Variants in EDARADD observed in about 807,000 individuals in gnomAD.
The protein encoded by EDARADD is EDAR associated via death domain.
In EDARADD, 20 loss-of-function variants were observed where a neutral mutation model predicts 25.6. The ratio of observed to expected loss-of-function variants is 0.78; its 90% CI spans 0.55 to 1.14. The LOEUF (loss-of-function observed/expected upper bound fraction) is 1.14. Among genes scored for constraint, EDARADD ranks in the 50% most tolerant of loss-of-function variants. EDARADD has a pLI of 0.00. For synonymous variants in EDARADD, 86 were observed against 94.4 expected, an observed-to-expected ratio of 0.91 and a Z score of 0.52; for missense variants, 225 against 270.1, an observed-to-expected ratio of 0.83 and a Z score of 1.17.
chr1:236,437,492 G>A (rs1402036842), intron 4 of EDARADD, among the ~76,000 whole-genome samples: 1 of 152,032 alleles, frequency 6.6e-6, no homozygotes, highest in Admixed American at 6.6e-5. Flanking sequence ...GGGTTAGATA[G>A]GAAGAAAGAC....
intron 5 of EDARADD, among the ~76,000 whole-genome samples, chr1:236,469,189 A>G (rs531621440): frequency 2.0e-5 from 3 of 152,208 alleles, no homozygotes; most frequent in East Asian, 3.9e-4. Context: ...TAAGCTAGCA[A>G]ATGGCCAGGT....
chr1:236,380,186 C>T (rs967840583), intron 3 of EDARADD, among the ~76,000 whole-genome samples: 5 of 152,074 alleles, frequency 3.3e-5, no homozygotes, highest in South Asian at 2.1e-4. Flanking sequence ...AGACTATTTG[C>T]GTCTTGAAAA....
chr1:236,433,278 T>C (rs1658155489), intron 4 of EDARADD, among the ~76,000 whole-genome samples: 1 of 149,286 alleles, frequency 6.7e-6, no homozygotes, highest in African/African-American at 2.5e-5. Flanking sequence ...CAAATAACCC[T>C]GGGCGCGGTG....
chr1:236,374,543 C>T (rs1377047436), intron 3 of EDARADD, among the ~76,000 whole-genome samples: 1 of 152,092 alleles, frequency 6.6e-6, no homozygotes, highest in East Asian at 1.9e-4. Context: ...TTTAGTTCTC[C>T]TTGCACTTCT....
At chr1:236,439,505 C>T (rs1658346874) in intron 4 of EDARADD, among the ~76,000 whole-genome samples, 1 of 152,188 alleles carries the variant, frequency 6.6e-6, no homozygotes, top group African/African-American at 2.4e-5. Context: ...ACATCCTTGT[C>T]AGCATTTGGT....
intron 2 of EDARADD, among the ~76,000 whole-genome samples, chr1:236,410,378 G>A (rs2103008580): frequency 6.6e-6 from 1 of 152,174 alleles, no homozygotes; most frequent in South Asian, 2.1e-4. Flanking sequence ...TATTTCACTT[G>A]GGATGATGGC....
chr1:236,358,993 T>C (rs576411540), intron 3 of EDARADD, among the ~76,000 whole-genome samples: 193 of 152,340 alleles, frequency 1.3e-3, no homozygotes, highest in African/African-American at 4.1e-3. Context: ...CCAATATTAT[T>C]GTGTGGGAGT....
At chr1:236,425,039 G>A (rs1386316038) in intron 3 of EDARADD, among the ~76,000 whole-genome samples, 2 of 152,140 alleles carry the variant, frequency 1.3e-5, no homozygotes, top group African/African-American at 2.4e-5. Context: ...GGTGGCCCCC[G>A]TCGCAGGCAG....
At chr1:236,418,894 C>T (rs1044790736) in intron 3 of EDARADD, among the ~76,000 whole-genome samples, 1 of 152,132 alleles carries the variant, frequency 6.6e-6, no homozygotes, top group Admixed American at 6.5e-5. Flanking sequence ...TCAATAAATA[C>T]ACTCCCCGCC....
At chr1:236,468,078 C>T (rs906605643) in intron 4 of EDARADD, among the ~76,000 whole-genome samples, 153 bp from the exon 5 acceptor site, 1 of 152,178 alleles carries the variant, frequency 6.6e-6, no homozygotes, top group African/African-American at 2.4e-5. Context: ...ATGCTGAGTT[C>T]ACCTCCCATT....
intron 2 of EDARADD, among the ~76,000 whole-genome samples, chr1:236,349,337 A>C (rs1330209009): frequency 6.6e-6 from 1 of 152,180 alleles, no homozygotes; most frequent in Non-Finnish European, 1.5e-5. Flanking sequence ...CAAAAGAGTC[A>C]AACTCTGTAA....
intron 3 of EDARADD, among the ~76,000 whole-genome samples, chr1:236,353,015 A>C (rs1558098372): frequency 6.6e-6 from 1 of 151,956 alleles, no homozygotes; most frequent in African/African-American, 2.4e-5. Context: ...GTCTCTAAAA[A>C]AAAAACAACA....
intron 4 of EDARADD, among the ~76,000 whole-genome samples, chr1:236,428,830 C>T (rs1558121529): frequency 1.3e-5 from 2 of 152,096 alleles, no homozygotes; most frequent in East Asian, 3.9e-4. Context: ...CGCCACTGCA[C>T]TCCAGCCTGG....
chr1:236,375,684 A>C (rs1667217007), intron 3 of EDARADD, among the ~76,000 whole-genome samples: 1 of 151,036 alleles, frequency 6.6e-6, no homozygotes, highest in Non-Finnish European at 1.5e-5. Context: ...GATAAAAAAA[A>C]ATAACCAGCC....
At position 236,444,716 on chromosome 1, in the gene EDARADD, G is replaced by A. The variant is rs181103991; in HGVS notation, c.219+17266G>A. ...TGGGATTATAGGCGTGAGCCACCGCGCCTGACCAACTCTACAATGTTGATT... is the reference window on the plus strand; with the variant it reads ...TGGGATTATAGGCGTGAGCCACCGCACCTGACCAACTCTACAATGTTGATT... On this transcript the variant is annotated intron_variant, in intron 4 of 5. Coordinates refer to ENST00000334232, the MANE Select transcript of EDARADD (RefSeq NM_145861.4). 1.3e-3 allele frequency among the ~76,000 whole-genome samples: 199 copies of A among 152,164 alleles called. 1 individual carries two copies. The highest frequency in any genetic ancestry group is 4.4e-3 in the African/African-American group (181 of 41,520).
intron 5 of EDARADD, among the ~76,000 whole-genome samples, chr1:236,475,933 G>T (rs778658343): frequency 6.6e-6 from 1 of 151,984 alleles, no homozygotes; most frequent in African/African-American, 2.4e-5. Flanking sequence ...GCTCATGCCC[G>T]TAATCCTAGC....
At chr1:236,428,785 G>C (rs903009473) in intron 4 of EDARADD, among the ~76,000 whole-genome samples, 1 of 151,070 alleles carries the variant, frequency 6.6e-6, no homozygotes, top group East Asian at 1.9e-4. Context: ...CAAGGCAGGC[G>C]GCTGGGAGGT....
At chr1:236,415,543 T>C (rs1007901323) in intron 3 of EDARADD, among the ~76,000 whole-genome samples, 2 of 152,132 alleles carry the variant, frequency 1.3e-5, no homozygotes, top group Non-Finnish European at 2.9e-5. Flanking sequence ...CCTCCCGGGT[T>C]CAAGCGATTC....
chr1:236,462,056 T>A (rs1659052096), intron 4 of EDARADD, among the ~76,000 whole-genome samples: 1 of 152,126 alleles, frequency 6.6e-6, no homozygotes, highest in Admixed American at 6.5e-5. Context: ...GCAGGACAGT[T>A]GGTTTTTGGA....
Sources: allele counts gnomAD v4.1 joint callset (sites outside exome capture counted in the v4.1 genomes callset), GRCh38; gene constraint gnomAD v4.1.1; transcripts MANE v1.5; gene names NCBI Gene and HGNC (gene_info 2026-07-23, HGNC 2026-07-21).